Variants in DEPTOR observed in about 807,000 individuals in gnomAD.
DEPTOR encodes DEP domain containing MTOR interacting protein, also known as DEP domain-containing mTOR-interacting protein.
Under a neutral mutation model 41.6 loss-of-function variants are expected in DEPTOR, and 41 were observed. That is an observed-to-expected ratio of 0.98 (90% CI 0.77 to 1.28). DEPTOR has a LOEUF of 1.28. DEPTOR is among the 50% of genes most tolerant of loss of function. The pLI is 0.00. For missense variants in DEPTOR, 514 were observed against 527.9 expected, an observed-to-expected ratio of 0.97 and a Z score of 0.26; for synonymous variants, 195 against 192.3, an observed-to-expected ratio of 1.01 and a Z score of -0.12.
intron 3 of DEPTOR, among the ~76,000 whole-genome samples, chr8:119,949,081 C>T (rs906763760): frequency 1.3e-5 from 2 of 152,192 alleles, no homozygotes; most frequent in African/African-American, 4.8e-5. Flanking sequence ...CCACCATGCC[C>T]GACCACATTT....
chr8:119,905,832 G>A (rs372692912), intron 1 of DEPTOR, among the ~76,000 whole-genome samples: 70 of 152,100 alleles, frequency 4.6e-4, no homozygotes, highest in African/African-American at 1.5e-3. Flanking sequence ...TAATGGAGAT[G>A]GGGTTTCACC....
chr8:119,875,134 G>T (rs1029375571), intron 1 of DEPTOR, among the ~76,000 whole-genome samples: 1 of 152,164 alleles, frequency 6.6e-6, no homozygotes, highest in Non-Finnish European at 1.5e-5. Context: ...GAATTAAAGG[G>T]AATAAAAACT....
At chr8:119,949,207 T>C (rs1477054180) in intron 3 of DEPTOR, among the ~76,000 whole-genome samples, 1 of 152,274 alleles carries the variant, frequency 6.6e-6, no homozygotes, top group Non-Finnish European at 1.5e-5. Flanking sequence ...CTTGTTTCAG[T>C]ACTTCACTTC....
At chr8:119,883,291 G>A (rs1331663068) in intron 1 of DEPTOR, among the ~76,000 whole-genome samples, 2 of 151,670 alleles carry the variant, frequency 1.3e-5, no homozygotes, top group African/African-American at 2.4e-5. Context: ...TGGCTAACAC[G>A]GTGAAACCCC....
intron 1 of DEPTOR, among the ~76,000 whole-genome samples, chr8:119,889,935 C>G (rs1306952476): frequency 6.6e-6 from 1 of 152,034 alleles, no homozygotes; most frequent in Non-Finnish European, 1.5e-5. Flanking sequence ...GAGAAGTGAT[C>G]AAGGTGTCTT....
chr8:119,961,416 CAA>C (rs34706393), intron 3 of DEPTOR, among the ~76,000 whole-genome samples: 12 of 108,588 alleles, frequency 1.1e-4, no homozygotes, highest in Admixed American at 1.7e-4. Context: ...AACTCCGTAT[CAA>C]AAAAAAAAAA....
At chr8:120,041,178 A>T (rs1813063771) in intron 8 of DEPTOR, among the ~76,000 whole-genome samples, 1 of 152,226 alleles carries the variant, frequency 6.6e-6, no homozygotes, top group Non-Finnish European at 1.5e-5. Flanking sequence ...GTGAATACAG[A>T]CTTCCATGAC....
intron 1 of DEPTOR, among the ~76,000 whole-genome samples, chr8:119,891,677 G>A (rs1322103847): frequency 6.6e-6 from 1 of 152,126 alleles, no homozygotes; most frequent in African/African-American, 2.4e-5. Flanking sequence ...AAGTAAAATA[G>A]AGCTCTCAAC....
chr8:119,885,652 A>G (rs1827355165), intron 1 of DEPTOR, among the ~76,000 whole-genome samples: 1 of 152,358 alleles, frequency 6.6e-6, no homozygotes, highest in East Asian at 1.9e-4. Flanking sequence ...ATATTTAAGG[A>G]CATCCAAGTA....
chr8:119,909,246 G>A (rs1033738691), intron 1 of DEPTOR, among the ~76,000 whole-genome samples: 2 of 152,170 alleles, frequency 1.3e-5, no homozygotes, highest in Non-Finnish European at 2.9e-5. Context: ...AATTAATAGA[G>A]TGTGACTTTT....
intron 4 of DEPTOR, among the ~76,000 whole-genome samples, chr8:119,979,711 C>A (rs997871765): frequency 6.6e-6 from 1 of 152,102 alleles, no homozygotes; most frequent in Non-Finnish European, 1.5e-5. Flanking sequence ...TTTAGCCACT[C>A]CCCAAGCTGT....
intron 3 of DEPTOR, among the ~76,000 whole-genome samples, chr8:119,942,570 G>A (rs1828217749): frequency 6.6e-6 from 1 of 152,296 alleles, no homozygotes; most frequent in Non-Finnish European, 1.5e-5. Context: ...TGATGGTGGA[G>A]ATTGACTGTG....
intron 8 of DEPTOR, among the ~76,000 whole-genome samples, chr8:120,011,746 T>G (rs1215364444): frequency 6.6e-6 from 1 of 152,240 alleles, no homozygotes; most frequent in African/African-American, 2.4e-5. Flanking sequence ...CATTGTCAAC[T>G]CATTAACTAA....
intron 3 of DEPTOR, among the ~76,000 whole-genome samples, chr8:119,950,438 C>T (rs796554281): frequency 1.3e-5 from 2 of 151,766 alleles, no homozygotes; most frequent in African/African-American, 2.4e-5. Context: ...TTTTTTGAGA[C>T]GAAGTCTTGC....
intron 1 of DEPTOR, among the ~76,000 whole-genome samples, chr8:119,875,854 G>GT (rs1289663855): frequency 6.6e-6 from 1 of 152,206 alleles, no homozygotes; most frequent in Non-Finnish European, 1.5e-5. Flanking sequence ...GAACTAACCT[G>GT]TAAGACTTGT....
At chr8:119,979,545 G>A (rs1228058619) in intron 4 of DEPTOR, among the ~76,000 whole-genome samples, 3 of 152,144 alleles carry the variant, frequency 2.0e-5, no homozygotes, top group Admixed American at 1.3e-4. Flanking sequence ...TTACAGGTGT[G>A]AGCTACTGCA....
intron 3 of DEPTOR, among the ~76,000 whole-genome samples, chr8:119,948,367 G>A (rs964368339): frequency 3.3e-5 from 5 of 152,054 alleles, no homozygotes; most frequent in Non-Finnish European, 7.3e-5. Flanking sequence ...AGCCAAGATC[G>A]TGCCACTGCA....
At chr8:119,935,090 A>G (rs1828091824) in intron 3 of DEPTOR, among the ~76,000 whole-genome samples, 1 of 152,168 alleles carries the variant, frequency 6.6e-6, no homozygotes, top group Non-Finnish European at 1.5e-5. Context: ...CACTTTCATC[A>G]ACAAGCTCTA....
intron 8 of DEPTOR, among the ~76,000 whole-genome samples, chr8:120,009,590 G>A (rs1405994072): frequency 6.6e-6 from 1 of 151,790 alleles, no homozygotes; most frequent in Non-Finnish European, 1.5e-5. Flanking sequence ...TCCAGCCTGG[G>A]TGACAAAGCG....
Sources: allele counts gnomAD v4.1 joint callset (sites outside exome capture counted in the v4.1 genomes callset), GRCh38; gene constraint gnomAD v4.1.1; transcripts MANE v1.5; gene names NCBI Gene and HGNC (gene_info 2026-07-23, HGNC 2026-07-21).